The following MATCAP2 variants were observed in gnomAD, a reference collection of about 807,000 sequenced individuals.
The protein encoded by MATCAP2 is microtubule associated tyrosine carboxypeptidase 2, also known as putative tyrosine carboxypeptidase MATCAP2.
At chr7:36,357,416 T>G in the MATCAP2 span, 19 of 1,614,058 alleles carry the variant, frequency 1.2e-5, no homozygotes, top group African/African-American at 1.5e-4. Flanking sequence ...ATGATACTTT[T>G]TTTCCTCCTT....
chr7:36,329,957 G>C, the MATCAP2 span, among the ~76,000 whole-genome samples: 5 of 151,566 alleles, frequency 3.3e-5, no homozygotes, highest in South Asian at 1.0e-3. Flanking sequence ...TAGTATTCTT[G>C]GCAAAAATGT....
the MATCAP2 span, among the ~76,000 whole-genome samples, chr7:36,364,450 A>C: frequency 6.6e-6 from 1 of 152,284 alleles, no homozygotes; most frequent in East Asian, 1.9e-4. Flanking sequence ...ATTTGATTCC[A>C]TTTTTAAACA....
At chr7:36,374,063 T>G in the MATCAP2 span, among the ~76,000 whole-genome samples, 1 of 152,072 alleles carries the variant, frequency 6.6e-6, no homozygotes, top group African/African-American at 2.4e-5. Flanking sequence ...TGAGCCACCA[T>G]GCCTGGCCAT....
the MATCAP2 span, chr7:36,389,734 T>G: frequency 2.7e-6 from 1 of 364,202 alleles, no homozygotes. Flanking sequence ...GGGCCGCCCC[T>G]GGGAACCACC....
chr7:36,337,115 A>AAAAAAAAAAAAC, the MATCAP2 span, among the ~76,000 whole-genome samples: 1 of 146,446 alleles, frequency 6.8e-6, no homozygotes, highest in African/African-American at 2.5e-5. Flanking sequence ...AAAAAAAAAA[A>AAAAAAAAAAAAC]AAAAAAAAAA....
At chr7:36,374,232 C>G in the MATCAP2 span, among the ~76,000 whole-genome samples, 1 of 151,736 alleles carries the variant, frequency 6.6e-6, no homozygotes, top group African/African-American at 2.4e-5. Flanking sequence ...GCATGAGCCA[C>G]CATGCAAGGC....
the MATCAP2 span, among the ~76,000 whole-genome samples, chr7:36,358,061 A>G: frequency 2.0e-5 from 3 of 151,994 alleles, no homozygotes; most frequent in Admixed American, 2.0e-4. Context: ...AGCCAGGTAT[A>G]GTGGTGCGCC....
At chr7:36,344,666 C>T in the MATCAP2 span, among the ~76,000 whole-genome samples, 2 of 152,118 alleles carry the variant, frequency 1.3e-5, no homozygotes, top group Admixed American at 1.3e-4. Flanking sequence ...GGAGTATTTG[C>T]ATTTAACAAA....
At chr7:36,330,134 G>A in the MATCAP2 span, among the ~76,000 whole-genome samples, 1 of 150,576 alleles carries the variant, frequency 6.6e-6, no homozygotes, top group South Asian at 2.1e-4. Flanking sequence ...TCCCAGGCTG[G>A]AGTTCAGTGG....
chr7:36,367,595 G>A, the MATCAP2 span, among the ~76,000 whole-genome samples: 1 of 152,202 alleles, frequency 6.6e-6, no homozygotes, highest in African/African-American at 2.4e-5. Flanking sequence ...GGATGAGCTA[G>A]TAAGAGTGGA....
the MATCAP2 span, among the ~76,000 whole-genome samples, chr7:36,359,097 A>C: frequency 6.6e-6 from 1 of 152,354 alleles, no homozygotes; most frequent in East Asian, 1.9e-4. Flanking sequence ...ATAAATATGT[A>C]CTTGTAGTTC....
chr7:36,353,193 C>T, the MATCAP2 span, among the ~76,000 whole-genome samples: 9 of 151,982 alleles, frequency 5.9e-5, no homozygotes, highest in East Asian at 1.9e-4. Flanking sequence ...GTGGGAGGAT[C>T]GCTTGTGCCC....
the MATCAP2 span, among the ~76,000 whole-genome samples, chr7:36,387,510 G>C: frequency 6.6e-6 from 1 of 152,062 alleles, no homozygotes; most frequent in Non-Finnish European, 1.5e-5. Context: ...TGAACTACCG[G>C]GGGTTAAGAA....
the MATCAP2 span, among the ~76,000 whole-genome samples, chr7:36,366,222 G>A: frequency 6.6e-6 from 1 of 152,092 alleles, no homozygotes; most frequent in Non-Finnish European, 1.5e-5. Flanking sequence ...ATCAAATGCT[G>A]GGAAAATGGC....
At chr7:36,363,636 T>C in the MATCAP2 span, among the ~76,000 whole-genome samples, 6 of 152,238 alleles carry the variant, frequency 3.9e-5, no homozygotes, top group East Asian at 5.8e-4. Context: ...TTCCTAGCAG[T>C]TGACAACATG....
chr7:36,346,854 G>A, the MATCAP2 span, among the ~76,000 whole-genome samples: 2 of 152,086 alleles, frequency 1.3e-5, no homozygotes, highest in South Asian at 2.1e-4. Flanking sequence ...TCCGCCTCCC[G>A]GGTTCAAGCG....
the MATCAP2 span, among the ~76,000 whole-genome samples, chr7:36,327,762 G>A: frequency 6.6e-6 from 1 of 152,066 alleles, no homozygotes; most frequent in Non-Finnish European, 1.5e-5. Context: ...TCCAATTTGG[G>A]GATTTCGGAT....
At chr7:36,366,765 G>A in the MATCAP2 span, 4 of 1,534,788 alleles carry the variant, frequency 2.6e-6, no homozygotes, top group Non-Finnish European at 3.5e-6. Flanking sequence ...GGTTTTTCGC[G>A]AGCGCCTCCT....
At chr7:36,387,898 A>G in the MATCAP2 span, among the ~76,000 whole-genome samples, 1 of 152,190 alleles carries the variant, frequency 6.6e-6, no homozygotes, top group Admixed American at 6.5e-5. Flanking sequence ...ACACACAGAC[A>G]CGCCCCAAAT....
Sources: allele counts gnomAD v4.1 joint callset (sites outside exome capture counted in the v4.1 genomes callset), GRCh38; gene constraint gnomAD v4.1.1; transcripts MANE v1.5; gene names NCBI Gene and HGNC (gene_info 2026-07-23, HGNC 2026-07-21).